The following PTPRN2 variants were observed in gnomAD, a reference collection of about 807,000 sequenced individuals.
PTPRN2 encodes the protein receptor-type tyrosine-protein phosphatase N2.
A neutral mutation model predicts 118.8 loss-of-function variants in PTPRN2; 74 were observed. That is an observed-to-expected ratio of 0.62 (90% CI 0.52 to 0.76). The LOEUF is 0.76. Among genes scored for constraint, PTPRN2 ranks in the 30% least tolerant of loss-of-function variants. The pLI is 0.00. For synonymous variants in PTPRN2, 641 were observed against 608.0 expected (o/e 1.05, Z -0.80); for missense variants, 1,481 against 1,394.4 (o/e 1.06, Z -0.99).
At chr7:157,757,516 G>A (rs1247121354) in intron 12 of PTPRN2, among the ~76,000 whole-genome samples, 1 of 152,080 alleles carries the variant, frequency 6.6e-6, no homozygotes, top group African/African-American at 2.4e-5. Flanking sequence ...GGGAACTTTG[G>A]ATACGGGCAG....
chr7:158,444,703 G>A (rs908024848), intron 2 of PTPRN2, among the ~76,000 whole-genome samples: 2 of 152,184 alleles, frequency 1.3e-5, no homozygotes, highest in Non-Finnish European at 2.9e-5. Context: ...GAATCCAACC[G>A]AGATGGCCTC....
chr7:158,074,052 C>T (rs1044811081), intron 11 of PTPRN2, among the ~76,000 whole-genome samples: 2 of 152,220 alleles, frequency 1.3e-5, no homozygotes, highest in Non-Finnish European at 2.9e-5. Flanking sequence ...GCCGTCCTCC[C>T]GTCAGTCTCT....
rs1370835801 is a variant in PTPRN2 at position 158,570,952 on chromosome 7, G to A, written c.112+16606C>T. ...CCTGCAGAGCAAAGCCCGGGTCCCG[G>A]ATGGCAAAGCCATACGCAGGAGCCT... On this transcript the variant is annotated intron_variant, in intron 1 of 22. Transcript: ENST00000389418. The surrounding 1 kb of genome is among the most constrained non-coding windows in gnomAD (Gnocchi z 4.5). 6.6e-6 allele frequency among the ~76,000 whole-genome samples: 1 copy of A among 152,224 alleles called. No individual in the cohort carries two copies. Among genetic ancestry groups the A allele is most frequent in the East Asian group, 1.9e-4 (1 of 5,194 alleles).
intron 12 of PTPRN2, among the ~76,000 whole-genome samples, chr7:157,877,352 G>A (rs1260342735): frequency 6.6e-6 from 1 of 150,618 alleles, no homozygotes; most frequent in Non-Finnish European, 1.5e-5. Context: ...GGGACCCCGG[G>A]TCCGAGTGCC....
chr7:158,572,262 C>T (rs907359481), intron 1 of PTPRN2, among the ~76,000 whole-genome samples: 1 of 152,146 alleles, frequency 6.6e-6, no homozygotes, highest in South Asian at 2.1e-4. Context: ...GATAGAGGAA[C>T]CTGAAAAGGA....
At chr7:157,855,695 G>C (rs751806836) in intron 12 of PTPRN2, among the ~76,000 whole-genome samples, 1 of 152,250 alleles carries the variant, frequency 6.6e-6, no homozygotes, top group Non-Finnish European at 1.5e-5. Flanking sequence ...TGGCTGAGCC[G>C]AGGGAGAGCC....
At chr7:157,568,787 G>T in intron 21 of PTPRN2, 115 bp downstream of exon 21, 1 of 1,040,576 alleles carries the variant, frequency 9.6e-7, no homozygotes, top group East Asian at 2.4e-5. Context: ...CCCAGCAGAG[G>T]CACAACAAGC....
intron 12 of PTPRN2, among the ~76,000 whole-genome samples, chr7:157,889,520 A>G (rs1231238633): frequency 2.0e-5 from 3 of 152,186 alleles, no homozygotes; most frequent in Non-Finnish European, 4.4e-5. Context: ...GAGGGCCTTC[A>G]TGTCCTCAGC....
chr7:157,965,569 G>T (rs969440355), intron 11 of PTPRN2, among the ~76,000 whole-genome samples: 4 of 152,122 alleles, frequency 2.6e-5, no homozygotes, highest in African/African-American at 9.7e-5. Context: ...ATCACCACAG[G>T]GTGGCTCTCC....
intron 11 of PTPRN2, among the ~76,000 whole-genome samples, chr7:158,072,911 A>G (rs1812050988): frequency 6.6e-6 from 1 of 152,216 alleles, no homozygotes; most frequent in Non-Finnish European, 1.5e-5. Flanking sequence ...TTCATGTCTC[A>G]AGACCTGAGC....
chr7:157,927,632 C>T (rs536369656), intron 11 of PTPRN2, among the ~76,000 whole-genome samples: 361 of 151,528 alleles, frequency 2.4e-3, no homozygotes, highest in Non-Finnish European at 4.6e-3. Flanking sequence ...AGACAGGAAG[C>T]CCCAGGGACC....
intron 3 of PTPRN2, among the ~76,000 whole-genome samples, chr7:158,276,938 G>A (rs1799048698): frequency 6.6e-6 from 1 of 152,286 alleles, no homozygotes; most frequent in East Asian, 1.9e-4. Context: ...GGAGGGAGAA[G>A]CCAAACTCTC....
At chr7:157,695,979 G>A (rs1400827690) in intron 12 of PTPRN2, among the ~76,000 whole-genome samples, 22 of 119,124 alleles carry the variant, frequency 1.8e-4, no homozygotes, top group South Asian at 8.8e-4. Flanking sequence ...ACTGGGTCTT[G>A]GCAGAGCCCT....
intron 2 of PTPRN2, among the ~76,000 whole-genome samples, chr7:158,412,716 G>A (rs1586611657): frequency 7.1e-5 from 8 of 112,616 alleles, no homozygotes; most frequent in African/African-American, 1.1e-4. Context: ...CAGCTCCAGG[G>A]CCCATCCAGC....
At chr7:158,197,918 A>G (rs1472042474) in intron 4 of PTPRN2, among the ~76,000 whole-genome samples, 1 of 152,220 alleles carries the variant, frequency 6.6e-6, no homozygotes, top group Admixed American at 6.5e-5. Flanking sequence ...GGGTGGGGAC[A>G]CAGCCAAACA....
chr7:158,227,668 G>C (rs1469179118), intron 3 of PTPRN2, among the ~76,000 whole-genome samples: 1 of 152,242 alleles, frequency 6.6e-6, no homozygotes, highest in Non-Finnish European at 1.5e-5. Flanking sequence ...TACGGAAGAT[G>C]AATGTGCAGC....
At chr7:158,041,961 C>T (rs1390281239) in intron 11 of PTPRN2, among the ~76,000 whole-genome samples, 1 of 152,184 alleles carries the variant, frequency 6.6e-6, no homozygotes, top group Non-Finnish European at 1.5e-5. Context: ...TCTTAGTAAT[C>T]ACATCATTTT....
intron 2 of PTPRN2, among the ~76,000 whole-genome samples, chr7:158,341,615 A>G (rs1260801453): frequency 1.1e-5 from 1 of 89,448 alleles, no homozygotes; most frequent in Non-Finnish European, 2.2e-5. Context: ...TCACACCCAC[A>G]CTCTCACCAT....
rs59815362 is a variant in PTPRN2, at chr7:157,874,818, GACAC to G, written c.1788+23851_1788+23854del. 7.8e-5 allele frequency among the ~76,000 whole-genome samples: 9 copies of G among 114,770 alleles called. No homozygotes were observed. Among genetic ancestry groups the G allele is most frequent in the Admixed American group, 6.6e-4 (7 of 10,636 alleles). 75.3% of individuals were successfully genotyped at this position (114,770 alleles called of 152,430 possible). A position where few individuals can be genotyped will look rare whatever the true frequency, so the allele number is the denominator to read the frequency against. On this transcript the variant is annotated intron_variant, in intron 12 of 22. Coordinates refer to ENST00000389418, the MANE Select transcript of PTPRN2 (RefSeq NM_002847.5). The surrounding 1 kb of genome is among the most constrained non-coding windows in gnomAD (Gnocchi z 5.8). The stretch of plus-strand genomic sequence containing the variant: ...ATATACACACAGAGACACACTCATG[GACAC>G]ACACAGAGACACACTCATGCACATA...
Sources: gnomAD v4.1 joint callset for allele counts (sites outside exome capture counted in the v4.1 genomes callset) on GRCh38, gnomAD v4.1.1 for gene constraint, Gnocchi (gnomAD v3.1) non-coding constraint, MANE v1.5 for transcripts, NCBI Gene and HGNC (gene_info 2026-07-23, HGNC 2026-07-21) for gene names.